Variants in CYTH3 observed in about 807,000 individuals in gnomAD.
The protein encoded by CYTH3 is cytohesin-3.
A neutral mutation model predicts 55.1 loss-of-function variants in CYTH3; 23 were observed. The ratio of observed to expected loss-of-function variants is 0.42; its 90% CI spans 0.30 to 0.59. CYTH3 has a LOEUF of 0.59. Ranked by LOEUF, CYTH3 falls within the 20% of genes least tolerant of loss-of-function variation. The probability of loss-of-function intolerance (pLI) is 0.20; values close to 1 mark genes in which losing one functional copy is unlikely to be tolerated. For missense variants in CYTH3, 413 were observed against 524.8 expected, an observed-to-expected ratio of 0.79 and a Z score of 2.08; for synonymous variants, 249 against 194.9, an observed-to-expected ratio of 1.28 and a Z score of -2.31.
chr7:6,219,999 C>A (rs1784517223), intron 1 of CYTH3, among the ~76,000 whole-genome samples: 1 of 152,014 alleles, frequency 6.6e-6, no homozygotes, highest in Admixed American at 6.6e-5. Flanking sequence ...CAGAAGAGCC[C>A]ACACTCAGAG....
intron 1 of CYTH3, 63 bp downstream of exon 1, chr7:6,272,411 A>G (rs1583214476): frequency 2.8e-3 from 1,196 of 419,702 alleles, no homozygotes; most frequent in Non-Finnish European, 4.6e-3. Context: ...CGCGCCCTCG[A>G]CCCCCAGCCC....
At chr7:6,179,596 A>AC (rs1053592035) in intron 4 of CYTH3, among the ~76,000 whole-genome samples, 2 of 134,808 alleles carry the variant, frequency 1.5e-5, no homozygotes, top group African/African-American at 6.6e-5. Flanking sequence ...AGACACACAC[A>AC]CACACACCAC....
chr7:6,220,574 CAAAA>C (rs1191450197), intron 1 of CYTH3, among the ~76,000 whole-genome samples: 6 of 62,056 alleles, frequency 9.7e-5, no homozygotes, highest in African/African-American at 2.9e-4. Flanking sequence ...CATCCTGTCT[CAAAA>C]AAAAAAAAAA....
At chr7:6,208,270 A>G (rs545662021) in intron 1 of CYTH3, among the ~76,000 whole-genome samples, 1 of 152,354 alleles carries the variant, frequency 6.6e-6, no homozygotes, top group South Asian at 2.1e-4. Context: ...ATGTAAAACT[A>G]ACAAACATGG....
chr7:6,171,345 C>G lies in CYTH3; in HGVS notation c.450-31G>C. ...GAGACACCAAAGCCATGGGAAGCCG[C>G]ATCAGAACCAACACCGCCTCACGGC... On this transcript the variant is annotated intron_variant, in intron 6 of 12. Transcript: ENST00000350796. The surrounding 1 kb of genome is among the most constrained non-coding windows in gnomAD (Gnocchi z 6.7). The G allele has an allele frequency of 6.2e-7, 1 of 1,607,434 alleles. No individual in the cohort carries two copies. Among genetic ancestry groups the G allele is most frequent in the South Asian group, 1.1e-5 (1 of 90,916 alleles).
chr7:6,259,777 T>TAAA (rs1349694818), intron 1 of CYTH3, among the ~76,000 whole-genome samples: 1 of 19,960 alleles, frequency 5.0e-5, no homozygotes, highest in Non-Finnish European at 6.5e-5. Flanking sequence ...ATATATTATA[T>TAAA]ATATATAATA....
chr7:6,259,787 ATAT>A (rs1780269303), intron 1 of CYTH3, among the ~76,000 whole-genome samples: 2 of 15,112 alleles, frequency 1.3e-4, no homozygotes, highest in Non-Finnish European at 1.7e-4. Context: ...TATATATAAT[ATAT>A]ATATATATAT....
rs544187574 is a variant in CYTH3, at chr7:6,192,996, C to A, written c.35-2465G>T. Among the ~76,000 whole-genome samples, 5 of 151,778 alleles carry A rather than the reference C, an allele frequency of 3.3e-5. 1 individual carries two copies. In the East Asian group the frequency reaches 7.9e-4, roughly 24 times the overall value. On this transcript the variant is annotated intron_variant, in intron 1 of 12. Transcript: ENST00000350796. ...GACCAGTCTGGCCAACATAGTGAAA[C>A]CCCGTCTCTACTAAAAATACAAAAA...
At chr7:6,264,768 A>T (rs1219585095) in intron 1 of CYTH3, among the ~76,000 whole-genome samples, 1 of 152,278 alleles carries the variant, frequency 6.6e-6, no homozygotes, top group African/African-American at 2.4e-5. Context: ...ATATTTACTG[A>T]AAGGCTACTA....
rs555709310 is a variant in CYTH3, at chr7:6,229,123, A to C, written c.35-38592T>G. The stretch of plus-strand genomic sequence containing the variant: ...AACAGAAGTAAAACCTGAATTAGCC[A>C]AATAAAGTGTAGAGGACCTAAAGAG... On this transcript the variant is annotated intron_variant, in intron 1 of 12. Coordinates refer to ENST00000350796, the MANE Select transcript of CYTH3 (RefSeq NM_004227.4). Among the ~76,000 whole-genome samples, 7 of 152,300 alleles carry C rather than the reference A, an allele frequency of 4.6e-5. No homozygotes were observed. The South Asian group carries it at 1.5e-3, about 32-fold the overall frequency.
intron 1 of CYTH3, among the ~76,000 whole-genome samples, chr7:6,255,695 CA>C (rs1465698298): frequency 6.6e-6 from 1 of 150,776 alleles, no homozygotes; most frequent in Admixed American, 6.6e-5. Context: ...TAAGGACTTA[CA>C]GACTCCCTAT....
Position 6,190,446 on chromosome 7 carries a change from T to TTAAC in CYTH3, c.117+2_117+3insGTTA. 6.9e-7 allele frequency: 1 copy of TTAAC among 1,458,302 alleles called. No individual in the cohort carries two copies. Among genetic ancestry groups the TTAAC allele is most frequent in the Non-Finnish European group, 9.0e-7 (1 of 1,110,114 alleles). The allele number at this position is 1,458,302 out of a possible 1,614,324, so 90.3% of individuals were successfully genotyped here. Reference sequence around the variant, plus strand: ...ATTTTTGGTTTTTTTTTTTTTTTTTTACCTCAATGTCATCAATAAGTTCCT... The same window carrying TTAAC: ...ATTTTTGGTTTTTTTTTTTTTTTTTTTAACACCTCAATGTCATCAATAAGTTCCT... On this transcript the variant is annotated splice_region_variant and intron_variant, in intron 2 of 12. Transcript: ENST00000350796.
intron 1 of CYTH3, among the ~76,000 whole-genome samples, chr7:6,254,367 T>G (rs1482953488): frequency 2.0e-5 from 3 of 152,266 alleles, no homozygotes. Flanking sequence ...CTGTTAGTTA[T>G]CTTAAGAATG....
At chr7:6,178,286 G>A (rs1168595442) in intron 4 of CYTH3, among the ~76,000 whole-genome samples, 1 of 152,258 alleles carries the variant, frequency 6.6e-6, no homozygotes, top group Non-Finnish European at 1.5e-5. Flanking sequence ...GTGTCTGCGA[G>A]GAAAACTTTG....
chr7:6,168,408 C>T (rs553058159), intron 9 of CYTH3, among the ~76,000 whole-genome samples: 6 of 152,112 alleles, frequency 3.9e-5, no homozygotes, highest in South Asian at 2.1e-4. Flanking sequence ...CCGCACTCCC[C>T]GCTGAGCACA....
chr7:6,190,089 G>T (rs1219694785), intron 2 of CYTH3, among the ~76,000 whole-genome samples: 2 of 152,072 alleles, frequency 1.3e-5, no homozygotes, highest in African/African-American at 4.8e-5. Flanking sequence ...AACGAAAGAG[G>T]GTCTCAGTGC....
At chr7:6,203,792 C>T (rs1447133864) in intron 1 of CYTH3, among the ~76,000 whole-genome samples, 1 of 151,864 alleles carries the variant, frequency 6.6e-6, no homozygotes, top group Non-Finnish European at 1.5e-5. Context: ...AATCTCGGCT[C>T]ACTGCAAGCT....
At chr7:6,179,385 AT>A (rs199828531) in intron 4 of CYTH3, among the ~76,000 whole-genome samples, 2,011 of 152,236 alleles carry the variant, frequency 0.013, 26 homozygotes, top group Middle Eastern at 0.061. Context: ...GCCCTGTAAT[AT>A]TCTACAACTG....
At chr7:6,243,472 C>G (rs1372780587) in intron 1 of CYTH3, among the ~76,000 whole-genome samples, 1 of 152,212 alleles carries the variant, frequency 6.6e-6, no homozygotes, top group African/African-American at 2.4e-5. Flanking sequence ...ACACTTGAAC[C>G]TCCAGAAAGC....
Sources: allele counts gnomAD v4.1 joint callset (sites outside exome capture counted in the v4.1 genomes callset), GRCh38; gene constraint gnomAD v4.1.1; non-coding constraint Gnocchi (gnomAD v3.1); transcripts MANE v1.5; gene names NCBI Gene and HGNC (gene_info 2026-07-23, HGNC 2026-07-21).